Variants in RHBDD1 observed in about 807,000 individuals in gnomAD.
RHBDD1 encodes the protein rhomboid domain containing 1.
In RHBDD1, 38 loss-of-function variants were observed where a neutral mutation model predicts 36.3. That is an observed-to-expected ratio of 1.05 (90% confidence interval 0.81 to 1.37). The LOEUF is 1.37. Among genes scored for constraint, RHBDD1 ranks in the 40% most tolerant of loss-of-function variants. The pLI is 0.00. For missense variants in RHBDD1, 393 were observed against 377.6 expected, an observed-to-expected ratio of 1.04 and a Z score of -0.34; for synonymous variants, 151 against 136.5, an observed-to-expected ratio of 1.11 and a Z score of -0.74.
chr2:226,810,584 A>G, the RHBDD1 span, among the ~76,000 whole-genome samples: 1 of 144,194 alleles, frequency 6.9e-6, no homozygotes, highest in Non-Finnish European at 1.5e-5. Context: ...TAAGAGAATC[A>G]TAAGGAAAAG....
chr2:226,884,579 A>G (rs1221559175), intron 5 of RHBDD1, among the ~76,000 whole-genome samples: 1 of 152,196 alleles, frequency 6.6e-6, no homozygotes, highest in Non-Finnish European at 1.5e-5. Context: ...CTAGCAATAT[A>G]TGTCACTTCA....
chr2:226,931,458 C>T (rs1360816848), intron 8 of RHBDD1, among the ~76,000 whole-genome samples: 3 of 151,818 alleles, frequency 2.0e-5, no homozygotes, highest in African/African-American at 4.8e-5. Context: ...CAAAGACATA[C>T]AGAGTGGTTT....
chr2:226,943,841 C>T (rs757360469), intron 8 of RHBDD1, among the ~76,000 whole-genome samples: 1 of 152,150 alleles, frequency 6.6e-6, no homozygotes, highest in Non-Finnish European at 1.5e-5. Flanking sequence ...ATTTCATCCC[C>T]CTTTGGTAGC....
intron 7 of RHBDD1, among the ~76,000 whole-genome samples, chr2:226,913,652 T>G (rs895017357): frequency 3.9e-5 from 6 of 152,176 alleles, no homozygotes; most frequent in Admixed American, 1.3e-4. Flanking sequence ...TCTTTCTTGT[T>G]TTATCTAGAA....
intron 6 of RHBDD1, chr2:226,908,204 T>G (rs1575054893): frequency 6.6e-6 from 1 of 152,298 alleles, no homozygotes; most frequent in Middle Eastern, 3.4e-3. Context: ...GAACTCGGCC[T>G]TTTTTCTGTG....
chr2:226,896,465 G>T (rs897268902), intron 5 of RHBDD1, among the ~76,000 whole-genome samples: 7 of 152,102 alleles, frequency 4.6e-5, no homozygotes, highest in African/African-American at 1.7e-4. Flanking sequence ...GTCCTATCAA[G>T]ATCTGTTGTA....
chr2:226,961,596 C>G (rs1485692425), intron 8 of RHBDD1, among the ~76,000 whole-genome samples: 1 of 151,876 alleles, frequency 6.6e-6, no homozygotes, highest in Non-Finnish European at 1.5e-5. Flanking sequence ...GCAATTAAGG[C>G]AGAGAGGAAA....
At chr2:226,915,082 A>G (rs1575082824) in intron 8 of RHBDD1, among the ~76,000 whole-genome samples, 1 of 152,112 alleles carries the variant, frequency 6.6e-6, no homozygotes, top group East Asian at 1.9e-4. Flanking sequence ...AAAGTTAACA[A>G]TCTGTGTTTG....
At chr2:226,845,335 T>A (rs942050432) in intron 3 of RHBDD1, among the ~76,000 whole-genome samples, 1 of 152,226 alleles carries the variant, frequency 6.6e-6, no homozygotes, top group African/African-American at 2.4e-5. Context: ...AATAAATATA[T>A]ATACATATAT....
In RHBDD1 at chr2:226,930,241, T is replaced by G. The variant is rs182721383; in HGVS notation, c.856+15890T>G. ...AAAGAACAATCCAGAGGCATCACAT[T>G]ACCTGACTTCAAATTACACTACAAG... is the stretch of plus-strand genomic sequence containing the variant. On this transcript the variant is annotated intron_variant, in intron 8 of 8. Transcript: ENST00000392062. Among the ~76,000 whole-genome samples the G allele has an allele frequency of 4.6e-4, 70 of 152,166 alleles. No individual in the cohort carries two copies. The Middle Eastern group carries it at 0.014, about 30-fold the overall frequency.
At chr2:226,935,424 A>G (rs1051596941) in intron 8 of RHBDD1, 2 of 152,128 alleles carry the variant, frequency 1.3e-5, no homozygotes, top group Admixed American at 6.6e-5. Flanking sequence ...TGCAACATCA[A>G]GGTATGTAAA....
Position 226,995,631 on chromosome 2 carries a change from C to A in RHBDD1, c.*109C>A. On this transcript the variant is annotated 3_prime_UTR_variant, in exon 9 of 9. Coordinates refer to ENST00000392062, the MANE Select transcript of RHBDD1 (RefSeq NM_001167608.3). The stretch of plus-strand genomic sequence containing the variant: ...CATTTTAAACAAAAGCAGAGTACAC[C>A]GGTATTGCTCCAGATCGCTCACATC... 1 of 773,890 alleles carries A rather than the reference C, an allele frequency of 1.3e-6. No individual in the cohort carries two copies. The allele number at this position is 773,890 out of a possible 1,614,324, so 47.9% of individuals were successfully genotyped here. A position where few individuals can be genotyped will look rare whatever the true frequency, so the allele number is the denominator to read the frequency against.
In RHBDD1 at chr2:226,864,990, G is replaced by C; in HGVS notation, c.297G>C (p.Leu99=). 1.2e-6 allele frequency: 2 copies of C among 1,614,222 alleles called. No individual in the cohort carries two copies. Among genetic ancestry groups the C allele is most frequent in the Non-Finnish European group, 1.7e-6 (2 of 1,180,032 alleles). ...LWKGINLERR[L]GSRWFAYVIT... ...AAGGAATAAATCTAGAAAGAAGACT[G>C]GGAAGTAGATGGTTTGCCTATGTTA... is the stretch of plus-strand genomic sequence containing the variant. Residue 99 remains leucine (L), a synonymous_variant, in exon 4 of 9, where the codon CTG becomes CTC. Coordinates refer to ENST00000392062, the MANE Select transcript of RHBDD1 (RefSeq NM_001167608.3).
intron 8 of RHBDD1, among the ~76,000 whole-genome samples, chr2:226,948,564 T>TAAAAAAAAAAAAAAAAAAAA (rs56325989): frequency 4.2e-5 from 1 of 23,552 alleles, no homozygotes; most frequent in Non-Finnish European, 8.3e-5. Flanking sequence ...ACTTAAAGTA[T>TAAAAAAAAAAAAAAAAAAAA]AAAAAAAAAA....
At chr2:226,808,637 G>A in the RHBDD1 span, 1 of 152,240 alleles carries the variant, frequency 6.6e-6, no homozygotes, top group Non-Finnish European at 1.5e-5. Flanking sequence ...GGATTTCAAA[G>A]GTGAGTGTCT....
chr2:226,829,671 GAAAT>G, the RHBDD1 span, among the ~76,000 whole-genome samples: 1 of 152,082 alleles, frequency 6.6e-6, no homozygotes, highest in African/African-American at 2.4e-5. Flanking sequence ...GTGGTGTAGA[GAAAT>G]ATGTTTTTCA....
chr2:226,951,756 C>T (rs1029420860), intron 8 of RHBDD1, among the ~76,000 whole-genome samples: 11 of 152,192 alleles, frequency 7.2e-5, no homozygotes, highest in Non-Finnish European at 1.5e-4. Flanking sequence ...ATGTAAGATA[C>T]AGCTCATGTC....
intron 8 of RHBDD1, among the ~76,000 whole-genome samples, chr2:226,924,335 C>T (rs1396487514): frequency 6.6e-6 from 1 of 152,150 alleles, no homozygotes; most frequent in Admixed American, 6.5e-5. Context: ...ATAGGGGCCT[C>T]AGGACTCTGC....
At chr2:226,809,281 G>A in the RHBDD1 span, among the ~76,000 whole-genome samples, 114 of 152,312 alleles carry the variant, frequency 7.5e-4, no homozygotes, top group African/African-American at 2.6e-3. Context: ...AATTGCTGCT[G>A]ATGGTCAAGT....
Sources: gnomAD v4.1 joint callset for allele counts (sites outside exome capture counted in the v4.1 genomes callset) on GRCh38, gnomAD v4.1.1 for gene constraint, MANE v1.5 for transcripts, NCBI Gene and HGNC (gene_info 2026-07-23, HGNC 2026-07-21) for gene names.